TASOR: variants seen among roughly 807,000 people sequenced by gnomAD.
TASOR encodes transcription activation suppressor, also known as protein TASOR.
In TASOR, 53 loss-of-function variants were observed where a neutral mutation model predicts 178.6. That is an observed-to-expected ratio of 0.30 (90% CI 0.24 to 0.37). The LOEUF (loss-of-function observed/expected upper bound fraction) is 0.37, where lower values mean the gene tolerates loss of function less well. Among genes scored for constraint, TASOR ranks in the 10% least tolerant of loss-of-function variants. TASOR has a pLI of 1.00. For missense variants in TASOR, 1,815 were observed against 1,971.4 expected (o/e 0.92, Z 1.50); for synonymous variants, 713 against 696.2 (o/e 1.02, Z -0.38).
intron 13 of TASOR, among the ~76,000 whole-genome samples, 189 bp downstream of exon 13, chr3:56,648,631 CAA>C (rs56218279): frequency 2.5e-3 from 212 of 84,522 alleles, no homozygotes; most frequent in African/African-American, 8.1e-3. Context: ...AACTCTGTAT[CAA>C]AAAAAAAAAA....
chr3:56,656,665 T>C (rs1179405783), intron 11 of TASOR, among the ~76,000 whole-genome samples: 4 of 145,572 alleles, frequency 2.7e-5, no homozygotes, highest in Non-Finnish European at 6.1e-5. Context: ...TGGGGATAAA[T>C]CTAACAAAAA....
chr3:56,648,874 A>T lies in TASOR; in HGVS notation c.1461T>A (p.Ser487=). Residue 487 remains serine, a synonymous_variant, in exon 13 of 24, where the codon TCT becomes TCA. Coordinates refer to ENST00000683822, the MANE Select transcript of TASOR (RefSeq NM_001365635.2). ...ATAGAAACAAAGCATGTAGGACTCGAGACTTGGCAGTCTGATATTCTAAAA... is the reference window on the plus strand; with the variant it reads ...ATAGAAACAAAGCATGTAGGACTCGTGACTTGGCAGTCTGATATTCTAAAA... The part of the protein sequence containing the change: ...VPPYEYQTAK[S]RVLHALFLFQ... 1 of 1,612,318 alleles carries T rather than the reference A, an allele frequency of 6.2e-7. No individual in the cohort carries two copies. Among genetic ancestry groups the T allele is most frequent in the South Asian group, 1.1e-5 (1 of 90,308 alleles).
chr3:56,663,554 T>C lies in TASOR; in HGVS notation c.1041A>G (p.Thr347=). 8.4e-7 allele frequency: 1 copy of C among 1,189,078 alleles called. No homozygotes were observed. The highest frequency in any genetic ancestry group is 1.5e-5 in the South Asian group (1 of 67,888). The allele number at this position is 1,189,078 out of a possible 1,614,324, so 73.7% of individuals were successfully genotyped here. The change falls in exon 8 of 24, where the codon ACA becomes ACG. Residue 347 remains threonine, a synonymous_variant. Transcript: ENST00000683822. ...VPSSRSNSFN[T]DRNIDKYNYT... ...TAAATCTCTTACCTATGTTTCTATC[T>C]GTATTAAAGCTGTTAGATCTACAAA...
chr3:56,621,551 A>G lies in TASOR; in HGVS notation c.*1486T>C. On this transcript the variant is annotated 3_prime_UTR_variant, in exon 24 of 24. Transcript: ENST00000683822. The stretch of plus-strand genomic sequence containing the variant: ...TTTCAGGGCCTTCTCCAGAAGCAAA[A>G]GGAGTTGGAAAGTAGTCTCCTGCCT... 6.3e-7 allele frequency: 1 copy of G among 1,596,964 alleles called. No individual in the cohort carries two copies. The highest frequency in any genetic ancestry group is 1.1e-5 in the South Asian group (1 of 87,760).
Position 56,646,599 on chromosome 3 carries a change from T to C in TASOR, c.2138A>G (p.Lys713Arg). 2.5e-6 allele frequency: 4 copies of C among 1,613,252 alleles called. No individual in the cohort carries two copies. The highest frequency in any genetic ancestry group is 3.4e-6 in the Non-Finnish European group (4 of 1,179,960). ...DMRSKTVLKR[K>R]LEDLPENMRK... is the part of the protein sequence containing the mutation. Reference sequence around the variant, plus strand: ...CATATTTTCAGGTAGATCCTCAAGCTTCCTCTTCAAGACAGTTTTGCTTCT... The same window carrying C: ...CATATTTTCAGGTAGATCCTCAAGCCTCCTCTTCAAGACAGTTTTGCTTCT... Residue 713 changes from lysine to arginine, a missense_variant, in exon 14 of 24, where the codon AAG (lysine) becomes AGG (arginine). Physicochemically the swap from Lys to Arg is conservative, Grantham distance 26 (BLOSUM62 2). Coordinates refer to ENST00000683822, the MANE Select transcript of TASOR (RefSeq NM_001365635.2).
chr3:56,649,675 A>G (rs1202272065), intron 11 of TASOR, among the ~76,000 whole-genome samples: 1 of 152,224 alleles, frequency 6.6e-6, no homozygotes, highest in Non-Finnish European at 1.5e-5. Flanking sequence ...AGATTTACAA[A>G]ATAACAGAAA....
chr3:56,660,210 G>T (rs540864518), intron 11 of TASOR, among the ~76,000 whole-genome samples: 1 of 151,792 alleles, frequency 6.6e-6, no homozygotes, highest in South Asian at 2.1e-4. Flanking sequence ...ATTCCATGGG[G>T]GCTGGGCACG....
Position 56,641,688 on chromosome 3 carries a change from G to A in TASOR, c.2280C>T (p.Thr760=). 2 of 1,614,200 alleles carry A rather than the reference G, an allele frequency of 1.2e-6. No homozygotes were observed. The highest frequency in any genetic ancestry group is 1.7e-6 in the Non-Finnish European group (2 of 1,180,022). Reference sequence around the variant, plus strand: ...GGATGTCAGCAATGCCGGAGTTACAGGTATCCTGCTGCTGCCGCCTCAAGT... The same window carrying A: ...GGATGTCAGCAATGCCGGAGTTACAAGTATCCTGCTGCTGCCGCCTCAAGT... ...DADLRRQQQD[T]CNSGIADIHR... is the part of the protein sequence containing the mutation. The change falls in exon 15 of 24, where the codon ACC becomes ACT. Residue 760 remains threonine (T), a synonymous_variant. Transcript: ENST00000683822.
chr3:56,673,968 G>A (rs2031007079), intron 1 of TASOR, among the ~76,000 whole-genome samples: 1 of 151,948 alleles, frequency 6.6e-6, no homozygotes, highest in Non-Finnish European at 1.5e-5. Flanking sequence ...GACAAGGAAG[G>A]TGCAATTTTG....
intron 11 of TASOR, among the ~76,000 whole-genome samples, chr3:56,654,267 CA>C (rs1223520966): frequency 9.3e-5 from 13 of 140,226 alleles, no homozygotes; most frequent in East Asian, 2.1e-4. Flanking sequence ...AACTCTGTCT[CA>C]AAAAAAAAAG....
At chr3:56,681,279 TAC>T (rs1335296135) in intron 1 of TASOR, among the ~76,000 whole-genome samples, 11 of 152,294 alleles carry the variant, frequency 7.2e-5, no homozygotes, top group Admixed American at 2.6e-4. Flanking sequence ...ACTTTTCTCA[TAC>T]AGACTATAAT....
intron 3 of TASOR, chr3:56,671,202 G>A (rs181570410): frequency 2.0e-5 from 3 of 146,366 alleles, no homozygotes; most frequent in East Asian, 2.0e-4. Flanking sequence ...AGCCAGGTGT[G>A]GGGGGGTGTT....
Position 56,646,798 on chromosome 3 carries a change from C to T in TASOR, c.1939G>A (p.Gly647Ser), listed in dbSNP as rs2077247556. 2 of 1,613,306 alleles carry T rather than the reference C, an allele frequency of 1.2e-6. No individual in the cohort carries two copies. Among genetic ancestry groups the T allele is most frequent in the South Asian group, 2.2e-5 (2 of 90,864 alleles). The change falls in exon 14 of 24, where the codon GGT (glycine) becomes AGT (serine). Residue 647 changes from glycine to serine, a missense_variant. Gly to Ser is a moderately conservative substitution (Grantham distance 56). This residue lies in a region of TASOR where 504 missense variants were observed against 645.3 expected (regional missense o/e 0.78). Coordinates refer to ENST00000683822, the MANE Select transcript of TASOR (RefSeq NM_001365635.2). ...DYEGQEEEMN[G>S]TKMKFGKRNN... is the part of the protein sequence containing the mutation. ...CGTTTTCCAAATTTCATTTTTGTAC[C>T]ATTCATTTCTTCTTCTTGACCTTCA...
intron 1 of TASOR, among the ~76,000 whole-genome samples, chr3:56,678,598 A>G (rs577732318): frequency 1.3e-5 from 2 of 152,296 alleles, no homozygotes; most frequent in South Asian, 4.1e-4. Context: ...AGTTTTACCA[A>G]TTTGTTTGGT....
chr3:56,669,503 T>C (rs1053990295), intron 5 of TASOR, among the ~76,000 whole-genome samples, 197 bp downstream of exon 5: 2 of 151,930 alleles, frequency 1.3e-5, no homozygotes, highest in African/African-American at 2.4e-5. Context: ...CGAGACTCCA[T>C]CTCAAAAAAC....
intron 1 of TASOR, among the ~76,000 whole-genome samples, chr3:56,674,560 T>C (rs1038066357): frequency 1.3e-5 from 2 of 152,058 alleles, no homozygotes; most frequent in African/African-American, 4.8e-5. Flanking sequence ...TCTTGTATAA[T>C]CCACAAAAAG....
intron 17 of TASOR, among the ~76,000 whole-genome samples, chr3:56,638,113 C>T (rs981202722): frequency 2.0e-5 from 3 of 152,042 alleles, no homozygotes; most frequent in African/African-American, 7.3e-5. Flanking sequence ...GCCTGTAATC[C>T]CAGCACTTTG....
intron 11 of TASOR, among the ~76,000 whole-genome samples, chr3:56,652,979 G>T (rs1450120928): frequency 6.6e-6 from 1 of 151,942 alleles, no homozygotes; most frequent in Non-Finnish European, 1.5e-5. Flanking sequence ...AAAAAGACAG[G>T]CCAGGCCGGG....
At chr3:56,669,889 A>G in intron 4 of TASOR, 98 bp from the exon 5 acceptor site, 1 of 992,706 alleles carries the variant, frequency 1.0e-6, no homozygotes, top group Non-Finnish European at 1.5e-6. Context: ...CATCAATTTG[A>G]GGTGTTCAAA....
Sources: allele counts gnomAD v4.1 joint callset (sites outside exome capture counted in the v4.1 genomes callset), GRCh38; gene constraint gnomAD v4.1.1; regional missense constraint gnomAD v4.1.1; transcripts MANE v1.5; gene names NCBI Gene and HGNC (gene_info 2026-07-23, HGNC 2026-07-21).